The following MIA2 variants were observed in gnomAD, a reference collection of about 807,000 sequenced individuals.
MIA2 encodes the protein MIA SH3 domain ER export factor 2.
A neutral mutation model predicts 167.8 loss-of-function variants in MIA2; 127 were observed. The ratio of observed to expected loss-of-function variants is 0.76; its 90% CI spans 0.66 to 0.88. The LOEUF is 0.88. MIA2 is among the 40% of genes least tolerant of loss of function. MIA2 has a pLI of 0.00. For synonymous variants in MIA2, 552 were observed against 541.9 expected, an observed-to-expected ratio of 1.02 and a Z score of -0.26; for missense variants, 1,690 against 1,624.7, an observed-to-expected ratio of 1.04 and a Z score of -0.69.
chr14:39,269,158 ATTTT>A (rs750002678), intron 6 of MIA2: 12 of 643,736 alleles, frequency 1.9e-5, no homozygotes, highest in Non-Finnish European at 2.3e-5. Context: ...TCCGCTTTAA[ATTTT>A]TTTTTTATTT....
intron 6 of MIA2, chr14:39,265,955 A>C: frequency 1.0e-6 from 1 of 985,316 alleles, no homozygotes; most frequent in Non-Finnish European, 1.2e-6. Flanking sequence ...GAAACTCCTC[A>C]GGCTGATGTG....
At chr14:39,386,634 G>T in intron 23 of MIA2, 3 of 1,027,400 alleles carry the variant, frequency 2.9e-6, no homozygotes, top group Non-Finnish European at 4.4e-6. Flanking sequence ...TTGGCTGGCA[G>T]TCTGATCTGT....
At chr14:39,308,414 T>G (rs1411444382) in intron 17 of MIA2, 35 bp from the exon 18 acceptor site, 4 of 1,319,350 alleles carry the variant, frequency 3.0e-6, no homozygotes, top group Non-Finnish European at 4.1e-6. Flanking sequence ...CTCAAAATGT[T>G]TCTCCTTTAA....
rs181673652 is a variant in MIA2, at chr14:39,312,172, G to T, written c.3018-1168G>T. ...TCATATCATCAGGTCTCCTTTCACA[G>T]TGTAATTTCTATTATTAATAGGCCC... is the stretch of plus-strand genomic sequence containing the variant. On this transcript the variant is annotated intron_variant, in intron 18 of 28. Coordinates refer to ENST00000640607, the MANE Select transcript of MIA2 (RefSeq NM_001329214.4). Among the ~76,000 whole-genome samples the T allele has an allele frequency of 2.6e-5, 4 of 152,240 alleles. No homozygotes were observed. The East Asian group carries it at 7.7e-4, about 29-fold the overall frequency.
At chr14:39,341,632 C>G (rs932637158) in intron 25 of MIA2, among the ~76,000 whole-genome samples, 1 of 151,890 alleles carries the variant, frequency 6.6e-6, no homozygotes, top group Non-Finnish European at 1.5e-5. Flanking sequence ...TCAGCTGAAG[C>G]AGGTGGTAGA....
At chr14:39,264,147 T>G (rs1395507171) in intron 6 of MIA2, among the ~76,000 whole-genome samples, 1 of 152,222 alleles carries the variant, frequency 6.6e-6, no homozygotes, top group Admixed American at 6.5e-5. Context: ...CTCATCTTTA[T>G]GTCTGTACGT....
intron 23 of MIA2, chr14:39,386,638 G>T: frequency 2.9e-6 from 3 of 1,028,694 alleles, no homozygotes; most frequent in Non-Finnish European, 4.4e-6. Context: ...CTGGCAGTCT[G>T]ATCTGTGACA....
At chr14:39,375,691 T>C (rs1409039490) in intron 23 of MIA2, among the ~76,000 whole-genome samples, 1 of 152,092 alleles carries the variant, frequency 6.6e-6, no homozygotes, top group African/African-American at 2.4e-5. Context: ...AGCAAGAGTC[T>C]GTCTTTAAAA....
At chr14:39,315,524 G>A (rs1223839815) in intron 20 of MIA2, among the ~76,000 whole-genome samples, 159 bp from the exon 21 acceptor site, 2 of 152,056 alleles carry the variant, frequency 1.3e-5, no homozygotes, top group Non-Finnish European at 2.9e-5. Flanking sequence ...AAATATAATA[G>A]ATTATGTATA....
At chr14:39,299,631 T>C (rs914037832) in intron 13 of MIA2, among the ~76,000 whole-genome samples, 1 of 152,148 alleles carries the variant, frequency 6.6e-6, no homozygotes, top group Non-Finnish European at 1.5e-5. Flanking sequence ...TAAGGAATGG[T>C]AAGAAATGAT....
At position 39,266,827 on chromosome 14, in the gene MIA2, C is replaced by T. The variant is rs1445811628; in HGVS notation, c.1888-10107C>T. 2.9e-4 allele frequency: 49 copies of T among 166,554 alleles called. 1 individual carries two copies. The highest frequency in any genetic ancestry group is 3.6e-4 in the Non-Finnish European group (32 of 88,938). 10.3% of individuals were successfully genotyped at this position (166,554 alleles called of 1,614,324 possible). On this transcript the variant is annotated intron_variant, in intron 6 of 28. Transcript: ENST00000640607. ...TGGGTGTCGGGGCTGGGCCTGGCGTCGGCCCCTGGGTCGGGGGGGTGGGGG... is the reference window on the plus strand; with the variant it reads ...TGGGTGTCGGGGCTGGGCCTGGCGTTGGCCCCTGGGTCGGGGGGGTGGGGG...
At chr14:39,343,999 T>G (rs554384227) in intron 25 of MIA2, among the ~76,000 whole-genome samples, 1 of 152,206 alleles carries the variant, frequency 6.6e-6, no homozygotes, top group South Asian at 2.1e-4. Flanking sequence ...TTTCCTTTTA[T>G]TAAGACATTA....
At chr14:39,370,558 G>T in intron 23 of MIA2, 2 of 377,976 alleles carry the variant, frequency 5.3e-6, no homozygotes, top group South Asian at 4.6e-5. Flanking sequence ...ATGCACCACC[G>T]TGTTGCTGAA....
rs35478238 is a variant in MIA2 at position 39,311,466 on chromosome 14, C to CTTTTTTTTTTTTTTTT, written c.3018-1863_3018-1848dup. 9.2e-5 allele frequency among the ~76,000 whole-genome samples: 4 copies of CTTTTTTTTTTTTTTTT among 43,322 alleles called. 1 individual carries two copies. The highest frequency in any genetic ancestry group is 9.3e-5 in the African/African-American group (1 of 10,774). The allele number at this position is 43,322 out of a possible 152,430, so 28.4% of individuals were successfully genotyped here. On this transcript the variant is annotated intron_variant, in intron 18 of 28. Coordinates refer to ENST00000640607, the MANE Select transcript of MIA2 (RefSeq NM_001329214.4). Reference sequence around the variant, plus strand: ...TAGGACCTAGAAGCTTGATGTGTTGCTTTTTTTTTTTTTTTTTTTTTTTTT... The same window carrying CTTTTTTTTTTTTTTTT: ...TAGGACCTAGAAGCTTGATGTGTTGCTTTTTTTTTTTTTTTTTTTTTTTTTTTTTTTTTTTTTTTTT...
At chr14:39,293,902 A>G (rs757794650) in intron 11 of MIA2, 98 bp from the exon 12 acceptor site, 1 of 882,258 alleles carries the variant, frequency 1.1e-6, no homozygotes, top group Non-Finnish European at 1.8e-6. Context: ...AGCTTCACTT[A>G]TGGAGCTAAA....
At chr14:39,264,459 C>T (rs774897759) in intron 6 of MIA2, among the ~76,000 whole-genome samples, 5 of 152,158 alleles carry the variant, frequency 3.3e-5, no homozygotes, top group South Asian at 4.1e-4. Flanking sequence ...GGTATATACC[C>T]AGTAATGACA....
At chr14:39,357,543 C>G (rs565038196) in intron 23 of MIA2, among the ~76,000 whole-genome samples, 2 of 152,136 alleles carry the variant, frequency 1.3e-5, no homozygotes, top group South Asian at 4.1e-4. Flanking sequence ...GAGCATTTAG[C>G]CCATTTACAT....
chr14:39,344,183 A>G (rs1161119720), intron 25 of MIA2, among the ~76,000 whole-genome samples: 1 of 152,194 alleles, frequency 6.6e-6, no homozygotes, highest in Non-Finnish European at 1.5e-5. Context: ...AAAGTAGTAA[A>G]TTTATAACAA....
At chr14:39,248,608 A>G (rs374378169) in intron 4 of MIA2, among the ~76,000 whole-genome samples, 2 of 152,020 alleles carry the variant, frequency 1.3e-5, no homozygotes, top group East Asian at 3.9e-4. Context: ...TGATTATCCT[A>G]TTTTAGATAA....
Sources: gnomAD v4.1 joint callset for allele counts (sites outside exome capture counted in the v4.1 genomes callset) on GRCh38, gnomAD v4.1.1 for gene constraint, MANE v1.5 for transcripts, NCBI Gene and HGNC (gene_info 2026-07-23, HGNC 2026-07-21) for gene names.